EPB41L3: variants seen among roughly 807,000 people sequenced by gnomAD.
The protein encoded by EPB41L3 is erythrocyte membrane protein band 4.1 like 3.
A neutral mutation model predicts 127.1 loss-of-function variants in EPB41L3; 57 were observed. The ratio of observed to expected loss-of-function variants is 0.45; its 90% CI spans 0.36 to 0.56. EPB41L3 has a LOEUF of 0.56. Ranked by LOEUF, EPB41L3 falls within the 20% of genes least tolerant of loss-of-function variation. EPB41L3 has a pLI of 0.00. For synonymous variants in EPB41L3, 572 were observed against 549.5 expected, an observed-to-expected ratio of 1.04 and a Z score of -0.57; for missense variants, 1,273 against 1,372.2, an observed-to-expected ratio of 0.93 and a Z score of 1.14.
chr18:5,444,621 T>G (rs994543497), intron 4 of EPB41L3, among the ~76,000 whole-genome samples: 5 of 152,178 alleles, frequency 3.3e-5, no homozygotes, highest in African/African-American at 1.2e-4. Flanking sequence ...TAGACAAGTG[T>G]CAGGTCAGCA....
intron 1 of EPB41L3, among the ~76,000 whole-genome samples, chr18:5,506,799 G>C (rs1428014718): frequency 6.6e-6 from 1 of 152,136 alleles, no homozygotes; most frequent in African/African-American, 2.4e-5. Context: ...CAGGCACTTA[G>C]CAGGTCCTCA....
chr18:5,406,758 C>T lies in EPB41L3; in HGVS notation c.2349+19G>A, dbSNP rs375839666. On this transcript the variant is annotated intron_variant, in intron 16 of 22. Transcript: ENST00000341928. ...CGGGTAAACAGAATACGAGTCTGACCACAAACCTGACTACTGACCTCTTCA... is the reference window on the plus strand; with the variant it reads ...CGGGTAAACAGAATACGAGTCTGACTACAAACCTGACTACTGACCTCTTCA... The T allele has an allele frequency of 1.2e-6, 2 of 1,605,814 alleles. No individual in the cohort carries two copies. The highest frequency in any genetic ancestry group is 2.7e-5 in the African/African-American group (2 of 74,672).
chr18:5,396,042 A>G (rs2073380777), intron 19 of EPB41L3, among the ~76,000 whole-genome samples, 159 bp downstream of exon 19: 1 of 150,866 alleles, frequency 6.6e-6, no homozygotes, highest in East Asian at 1.9e-4. Flanking sequence ...CTGATCACTA[A>G]TAAAATGACC....
chr18:5,424,243 C>T lies in EPB41L3; in HGVS notation c.1163+19G>A, dbSNP rs1568104596. The T allele has an allele frequency of 6.6e-7, 1 of 1,522,670 alleles. No individual in the cohort carries two copies. Among genetic ancestry groups the T allele is most frequent in the Non-Finnish European group, 8.8e-7 (1 of 1,132,998 alleles). The allele number at this position is 1,522,670 out of a possible 1,614,324, so 94.3% of individuals were successfully genotyped here. On this transcript the variant is annotated intron_variant, in intron 10 of 22. Transcript: ENST00000341928. ...TTATAATTATTCCTTAGGGAAAAAACAAAATAATCTCTTCCTACCTGAAAA... is the reference window on the plus strand; with the variant it reads ...TTATAATTATTCCTTAGGGAAAAAATAAAATAATCTCTTCCTACCTGAAAA...
intron 3 of EPB41L3, among the ~76,000 whole-genome samples, chr18:5,585,432 T>C (rs2094433803): frequency 6.6e-6 from 1 of 152,016 alleles, no homozygotes; most frequent in Non-Finnish European, 1.5e-5. Context: ...GACTCCGGAG[T>C]AGCTGAGACT....
chr18:5,602,222 A>G (rs1054244005), intron 3 of EPB41L3, among the ~76,000 whole-genome samples: 2 of 152,196 alleles, frequency 1.3e-5, no homozygotes, highest in African/African-American at 4.8e-5. Flanking sequence ...AACTAGCAGC[A>G]TGTCCTGTAG....
chr18:5,492,011 A>G (rs995062653), intron 1 of EPB41L3, among the ~76,000 whole-genome samples: 1 of 152,178 alleles, frequency 6.6e-6, no homozygotes, highest in Non-Finnish European at 1.5e-5. Flanking sequence ...TGGCAAACTA[A>G]TATCAACATC....
chr18:5,483,539 G>A (rs980607415), intron 2 of EPB41L3, among the ~76,000 whole-genome samples: 2 of 151,678 alleles, frequency 1.3e-5, no homozygotes, highest in African/African-American at 4.8e-5. Flanking sequence ...CCTAAAGTAG[G>A]TAAATGGATA....
At chr18:5,434,756 G>A (rs367825378) in intron 6 of EPB41L3, among the ~76,000 whole-genome samples, 2 of 152,284 alleles carry the variant, frequency 1.3e-5, no homozygotes, top group East Asian at 3.9e-4. Flanking sequence ...GATAACAAGT[G>A]ACTACGTTAC....
At chr18:5,441,602 A>C (rs959925663) in intron 5 of EPB41L3, among the ~76,000 whole-genome samples, 1 of 151,848 alleles carries the variant, frequency 6.6e-6, no homozygotes, top group Non-Finnish European at 1.5e-5. Context: ...AGTAGCTGGG[A>C]CTACAGGCGC....
chr18:5,590,537 C>A (rs1390390290), intron 3 of EPB41L3, among the ~76,000 whole-genome samples: 1 of 151,446 alleles, frequency 6.6e-6, no homozygotes, highest in Non-Finnish European at 1.5e-5. Flanking sequence ...TACTCCTGGG[C>A]ATTTACCCTA....
At position 5,543,855 on chromosome 18, in the gene EPB41L3, C is replaced by T; in HGVS notation, c.-12+58G>A. 1 of 984,134 alleles carries T rather than the reference C, an allele frequency of 1.0e-6. No individual in the cohort carries two copies. The highest frequency in any genetic ancestry group is 1.2e-6 in the Non-Finnish European group (1 of 828,830). 61.0% of individuals were successfully genotyped at this position (984,134 alleles called of 1,614,324 possible). A position where few individuals can be genotyped will look rare whatever the true frequency, so the allele number is the denominator to read the frequency against. On this transcript the variant is annotated intron_variant, in intron 1 of 22. Transcript: ENST00000341928. The surrounding 1 kb of genome is among the most constrained non-coding windows in gnomAD (Gnocchi z 5.2). ...CCCCAGGCCTCGGGCTCTTCCTCCG[C>T]ACCTCGTAAAGCCGAGACCCCCTCG...
rs150101312 is a variant in EPB41L3, at chr18:5,416,003, G to A, written c.1882C>T (p.Arg628Cys). Residue 628 changes from arginine to cysteine, a missense_variant, in exon 13 of 23, where the codon CGC (arginine) becomes TGC (cysteine). Transcript: ENST00000341928. ...AAACAGGGCACAAGGGACGGTGAGC[G>A]GATCGGGAGGTAATGCTGCAAGCTC... ...PQSLQHYLPI[R>C]SPSLVPCFLF... 70 of 1,614,114 alleles carry A rather than the reference G, an allele frequency of 4.3e-5. No individual in the cohort carries two copies. Among genetic ancestry groups the A allele is most frequent in the African/African-American group, 1.9e-4 (14 of 75,024 alleles).
chr18:5,475,923 A>G (rs1330630075), intron 3 of EPB41L3, among the ~76,000 whole-genome samples: 1 of 151,834 alleles, frequency 6.6e-6, no homozygotes, highest in Non-Finnish European at 1.5e-5. Context: ...GAGAGCCAAC[A>G]CTGAAGCACA....
At chr18:5,571,990 C>T (rs1283747218) in intron 3 of EPB41L3, among the ~76,000 whole-genome samples, 1 of 152,210 alleles carries the variant, frequency 6.6e-6, no homozygotes, top group Non-Finnish European at 1.5e-5. Context: ...GAATCATTAG[C>T]CCTTTCAGAA....
chr18:5,420,473 T>G (rs575194433), intron 11 of EPB41L3, among the ~76,000 whole-genome samples: 14 of 152,278 alleles, frequency 9.2e-5, no homozygotes, highest in Admixed American at 2.6e-4. Flanking sequence ...TTGGTAGAGA[T>G]TATAAAAATC....
At chr18:5,401,495 C>T (rs1234686562) in intron 16 of EPB41L3, among the ~76,000 whole-genome samples, 1 of 152,076 alleles carries the variant, frequency 6.6e-6, no homozygotes, top group African/African-American at 2.4e-5. Flanking sequence ...CATTTAGGTG[C>T]TGCCTGTTAC....
intron 3 of EPB41L3, among the ~76,000 whole-genome samples, chr18:5,586,896 A>G (rs1373998394): frequency 6.6e-6 from 1 of 152,140 alleles, no homozygotes; most frequent in Non-Finnish European, 1.5e-5. Flanking sequence ...GGTCCCAGGT[A>G]ATTATAGTCA....
At chr18:5,622,300 C>A (rs1384022734) in intron 1 of EPB41L3, among the ~76,000 whole-genome samples, 2 of 152,166 alleles carry the variant, frequency 1.3e-5, no homozygotes, top group South Asian at 4.1e-4. Context: ...TGGGCACTTA[C>A]AATACGCTAG....
Sources: gnomAD v4.1 joint callset for allele counts (sites outside exome capture counted in the v4.1 genomes callset) on GRCh38, gnomAD v4.1.1 for gene constraint, Gnocchi (gnomAD v3.1) non-coding constraint, MANE v1.5 for transcripts, NCBI Gene and HGNC (gene_info 2026-07-23, HGNC 2026-07-21) for gene names.